COL4A1: variants seen among roughly 807,000 people sequenced by gnomAD.
The protein encoded by COL4A1 is collagen type IV alpha 1 chain.
A neutral mutation model predicts 216.6 loss-of-function variants in COL4A1; 40 were observed. The ratio of observed to expected loss-of-function variants is 0.18; its 90% CI spans 0.14 to 0.24. The LOEUF (loss-of-function observed/expected upper bound fraction) is 0.24. COL4A1 is among the 10% of genes least tolerant of loss of function. COL4A1 has a pLI of 1.00. For synonymous variants in COL4A1, 839 were observed against 810.7 expected (o/e 1.03, Z -0.59); for missense variants, 1,628 against 2,196.8 (o/e 0.74, Z 5.18).
intron 1 of COL4A1, among the ~76,000 whole-genome samples, chr13:110,270,084 A>G (rs1211996653): frequency 2.0e-5 from 3 of 152,196 alleles, no homozygotes; most frequent in South Asian, 2.1e-4. Flanking sequence ...TGTTGGTTTG[A>G]GTTTGAAATA....
chr13:110,234,554 C>T (rs1881215938), intron 2 of COL4A1, among the ~76,000 whole-genome samples: 1 of 151,932 alleles, frequency 6.6e-6, no homozygotes, highest in African/African-American at 2.4e-5. Flanking sequence ...TGTACTCCAG[C>T]CTGAGTGACA....
At chr13:110,283,287 A>T (rs1222613176) in intron 1 of COL4A1, among the ~76,000 whole-genome samples, 1 of 152,268 alleles carries the variant, frequency 6.6e-6, no homozygotes, top group African/African-American at 2.4e-5. Flanking sequence ...AATGTAGACT[A>T]GAAAATTTTA....
chr13:110,201,735 G>A (rs554121220), intron 18 of COL4A1: 2 of 701,016 alleles, frequency 2.9e-6, no homozygotes, highest in Non-Finnish European at 5.3e-6. Flanking sequence ...TGTAATCCCA[G>A]CACTTTGGGA....
At chr13:110,153,991 G>A (rs962708673) in intron 50 of COL4A1, among the ~76,000 whole-genome samples, 1 of 152,048 alleles carries the variant, frequency 6.6e-6, no homozygotes. Flanking sequence ...TACCCTCAGC[G>A]TCCTCACTCA....
intron 49 of COL4A1, among the ~76,000 whole-genome samples, chr13:110,159,896 G>A (rs1246776206): frequency 1.3e-5 from 2 of 150,404 alleles, no homozygotes; most frequent in East Asian, 3.9e-4. Flanking sequence ...AGGTGTCTAC[G>A]GGGGTCAAAT....
At position 110,179,137 on chromosome 13, in the gene COL4A1, G is replaced by A. The variant is rs973827016; in HGVS notation, c.2345-101C>T. 2.1e-5 allele frequency: 32 copies of A among 1,536,934 alleles called. No individual in the cohort carries two copies. The African/African-American group carries it at 3.8e-4, about 18-fold the overall frequency. ...AATGGCCCCAGCAACGGAAAGCCAC[G>A]AGCTCTAGGCCTCTAAGATTTGCAT... On this transcript the variant is annotated intron_variant, in intron 30 of 51. Transcript: ENST00000375820.
At chr13:110,217,360 T>A (rs531710469) in intron 2 of COL4A1, among the ~76,000 whole-genome samples, 32 of 152,328 alleles carry the variant, frequency 2.1e-4, no homozygotes, top group African/African-American at 7.2e-4. Context: ...CAACTGGCAA[T>A]GCTACTAACG....
In COL4A1 at chr13:110,161,189, C is replaced by T. The variant is rs770167198; in HGVS notation, c.4640+3G>A. 1.2e-6 allele frequency: 2 copies of T among 1,614,128 alleles called. No homozygotes were observed. The highest frequency in any genetic ancestry group is 1.7e-6 in the Non-Finnish European group (2 of 1,179,978). On this transcript the variant is annotated splice_donor_region_variant and intron_variant, in intron 49 of 51. Coordinates refer to ENST00000375820, the MANE Select transcript of COL4A1 (RefSeq NM_001845.6). ...CATTTGTTCCTACAGATGCTCGACTCACCTACTAATAAATGGTCTTATGTT... is the reference window on the plus strand; with the variant it reads ...CATTTGTTCCTACAGATGCTCGACTTACCTACTAATAAATGGTCTTATGTT...
Position 110,287,408 on chromosome 13 carries a change from C to T in COL4A1, c.84+19536G>A, listed in dbSNP as rs536022303. 5.9e-5 allele frequency among the ~76,000 whole-genome samples: 9 copies of T among 152,318 alleles called. No individual in the cohort carries two copies. In the South Asian group the frequency reaches 1.9e-3, roughly 32 times the overall value. ...ACTTCGTGCCCACAAAGGATCCAGT[C>T]CTATTAATATCTTATCTTTGTGAAG... On this transcript the variant is annotated intron_variant, in intron 1 of 51. Coordinates refer to ENST00000375820, the MANE Select transcript of COL4A1 (RefSeq NM_001845.6).
chr13:110,152,922 G>A (rs977160158), intron 50 of COL4A1, among the ~76,000 whole-genome samples: 3 of 152,142 alleles, frequency 2.0e-5, no homozygotes, highest in African/African-American at 7.2e-5. Context: ...TCCTGTATTT[G>A]CTATATTAGA....
chr13:110,289,478 T>TA (rs1410253695), intron 1 of COL4A1, among the ~76,000 whole-genome samples: 3 of 152,218 alleles, frequency 2.0e-5, no homozygotes, highest in African/African-American at 7.2e-5. Context: ...GCAGCCCTGT[T>TA]ACTATTCCTG....
intron 1 of COL4A1, among the ~76,000 whole-genome samples, chr13:110,256,995 C>T (rs1008974872): frequency 1.6e-4 from 24 of 152,078 alleles, no homozygotes; most frequent in Admixed American, 6.5e-5. Flanking sequence ...CCCAGCCAGC[C>T]AGAATGAAAC....
At chr13:110,277,136 C>T (rs536895406) in intron 1 of COL4A1, among the ~76,000 whole-genome samples, 2 of 152,258 alleles carry the variant, frequency 1.3e-5, no homozygotes, top group Non-Finnish European at 2.9e-5. Flanking sequence ...ATTTGCATCC[C>T]AATAAATCTT....
chr13:110,254,419 A>C (rs1882421267), intron 1 of COL4A1, among the ~76,000 whole-genome samples: 1 of 152,134 alleles, frequency 6.6e-6, no homozygotes, highest in African/African-American at 2.4e-5. Context: ...CAGAAGCGGG[A>C]GGGTGGCTTT....
Position 110,242,699 on chromosome 13 carries a change from G to A in COL4A1, c.120C>T (p.Asp40=), listed in dbSNP as rs779025581. 74 of 1,614,114 alleles carry A rather than the reference G, an allele frequency of 4.6e-5. No homozygotes were observed. Among genetic ancestry groups the A allele is most frequent in the Non-Finnish European group, 6.1e-5 (72 of 1,180,050 alleles). Residue 40 remains aspartate (D), a synonymous_variant, in exon 2 of 52, where the codon GAC becomes GAT. Transcript: ENST00000375820. ...GCAGSGCGKC[D]CHGVKGQKGE... Reference sequence around the variant, plus strand: ...CCTTTTGTCCCTTCACTCCATGGCAGTCACATTTGCCACAGCCAGAGCCAG... The same window carrying A: ...CCTTTTGTCCCTTCACTCCATGGCAATCACATTTGCCACAGCCAGAGCCAG...
intron 51 of COL4A1, among the ~76,000 whole-genome samples, chr13:110,151,005 G>A (rs1876476196): frequency 6.6e-6 from 1 of 152,170 alleles, no homozygotes; most frequent in Non-Finnish European, 1.5e-5. Flanking sequence ...ACCAAAAAGA[G>A]GGAAAGACAT....
At chr13:110,164,833 A>T (rs1463557900) in intron 46 of COL4A1, 29 bp downstream of exon 46, 6 of 1,612,162 alleles carry the variant, frequency 3.7e-6, no homozygotes, top group Non-Finnish European at 5.1e-6. Flanking sequence ...GGCTCCCCAT[A>T]CCGCCCTGCA....
rs376513801 is a variant in COL4A1 at position 110,178,119 on chromosome 13, C to T, written c.2571G>A (p.Ser857=). ...AQGLPGITGQ[S]GLPGLPGQQG... ...GCTGTCCAGGAAGGCCAGGGAGCCC[C>T]GACTGTCCCGTTATGCCAGGGAGTC... Residue 857 remains serine, a synonymous_variant, in exon 32 of 52, where the codon TCG becomes TCA. Coordinates refer to ENST00000375820, the MANE Select transcript of COL4A1 (RefSeq NM_001845.6). 4.0e-5 allele frequency: 65 copies of T among 1,614,042 alleles called. No homozygotes were observed. Among genetic ancestry groups the T allele is most frequent in the Non-Finnish European group, 4.7e-5 (56 of 1,180,040 alleles).
At chr13:110,192,556 T>A (rs984234756) in intron 23 of COL4A1, among the ~76,000 whole-genome samples, 1 of 152,104 alleles carries the variant, frequency 6.6e-6, no homozygotes, top group Admixed American at 6.5e-5. Context: ...AGGAAAAACA[T>A]GAATTCCATT....
Sources: gnomAD v4.1 joint callset for allele counts (sites outside exome capture counted in the v4.1 genomes callset) on GRCh38, gnomAD v4.1.1 for gene constraint, MANE v1.5 for transcripts, NCBI Gene and HGNC (gene_info 2026-07-23, HGNC 2026-07-21) for gene names.